Variants in STX8 observed in about 807,000 individuals in gnomAD.
STX8 encodes the protein syntaxin-8.
In STX8, 23 loss-of-function variants were observed where a neutral mutation model predicts 37.5. The observed-to-expected ratio is 0.61, with a 90% CI of 0.44 to 0.87. The LOEUF (loss-of-function observed/expected upper bound fraction) is 0.87. Among genes scored for constraint, STX8 ranks in the 40% least tolerant of loss-of-function variants. The probability of loss-of-function intolerance (pLI) is 0.00; values close to 1 mark genes in which losing one functional copy is unlikely to be tolerated. For synonymous variants in STX8, 115 were observed against 99.1 expected (o/e 1.16, Z -0.95); for missense variants, 313 against 284.7 (o/e 1.10, Z -0.71).
intron 6 of STX8, among the ~76,000 whole-genome samples, chr17:9,480,213 G>A (rs1906266771): frequency 6.6e-6 from 1 of 152,184 alleles, no homozygotes; most frequent in South Asian, 2.1e-4. Context: ...CGTGACAACA[G>A]ACATGACATG....
At chr17:9,320,474 G>A (rs1267047225) in intron 7 of STX8, among the ~76,000 whole-genome samples, 1 of 152,076 alleles carries the variant, frequency 6.6e-6, no homozygotes, top group Non-Finnish European at 1.5e-5. Context: ...TTACAGGGAG[G>A]GAAATATCAT....
chr17:9,430,806 T>C (rs9905338), intron 6 of STX8, among the ~76,000 whole-genome samples: 33,729 of 151,992 alleles, frequency 0.22, 3,997 homozygotes, highest in Middle Eastern at 0.28. Flanking sequence ...ACCGCCACCA[T>C]GCCTGGCTAA....
chr17:9,404,032 A>AAC (rs3060111), intron 6 of STX8, among the ~76,000 whole-genome samples: 89,070 of 151,866 alleles, frequency 0.59, 26,861 homozygotes, highest in East Asian at 0.77. Flanking sequence ...ACAGTCAATT[A>AAC]ACATATTTTG....
chr17:9,404,087 G>T (rs1363022232), intron 6 of STX8, among the ~76,000 whole-genome samples: 1 of 152,088 alleles, frequency 6.6e-6, no homozygotes, highest in Non-Finnish European at 1.5e-5. Flanking sequence ...AATAAAGTAA[G>T]CTAGAGAAAA....
chr17:9,291,145 G>A (rs1055017385), intron 7 of STX8, among the ~76,000 whole-genome samples: 2 of 152,134 alleles, frequency 1.3e-5, no homozygotes, highest in African/African-American at 4.8e-5. Context: ...GAAAAAGCTT[G>A]CCTTTCTTAA....
chr17:9,464,779 G>A (rs1905540646), intron 6 of STX8: 1 of 146,776 alleles, frequency 6.8e-6, no homozygotes, highest in African/African-American at 2.6e-5. Context: ...CTGGAGTGCA[G>A]TGGAGCAATC....
At chr17:9,517,471 CATT>C (rs1905187849) in intron 4 of STX8, among the ~76,000 whole-genome samples, 1 of 152,090 alleles carries the variant, frequency 6.6e-6, no homozygotes, top group Non-Finnish European at 1.5e-5. Context: ...ATTTCACAAA[CATT>C]ATCTCATGTG....
intron 5 of STX8, among the ~76,000 whole-genome samples, chr17:9,503,289 T>A (rs916207663): frequency 1.3e-5 from 2 of 151,990 alleles, no homozygotes; most frequent in South Asian, 4.2e-4. Flanking sequence ...CAGAAAGAAG[T>A]TCAGCAGTTG....
intron 5 of STX8, among the ~76,000 whole-genome samples, chr17:9,499,677 C>T (rs34030927): frequency 0.085 from 12,962 of 152,212 alleles, 701 homozygotes; most frequent in South Asian, 0.14. Context: ...GGATTACCGG[C>T]GTGAGCCACC....
intron 1 of STX8, among the ~76,000 whole-genome samples, 188 bp downstream of exon 1, chr17:9,575,604 C>A (rs998538076): frequency 2.0e-5 from 3 of 152,184 alleles, no homozygotes; most frequent in African/African-American, 7.2e-5. Flanking sequence ...GTCTCCTTCC[C>A]GGGCCACCCT....
chr17:9,335,610 A>G (rs1910109171), intron 7 of STX8, among the ~76,000 whole-genome samples: 1 of 69,568 alleles, frequency 1.4e-5, no homozygotes, highest in African/African-American at 4.1e-5. Context: ...GATTTGTAGG[A>G]AGTGAATTTT....
intron 4 of STX8, among the ~76,000 whole-genome samples, chr17:9,516,566 C>T (rs1413707278): frequency 6.6e-6 from 1 of 151,798 alleles, no homozygotes; most frequent in Non-Finnish European, 1.5e-5. Flanking sequence ...AGCAATTTCA[C>T]TCACTGACCT....
chr17:9,329,801 C>T (rs982362294), intron 7 of STX8, among the ~76,000 whole-genome samples: 1 of 152,116 alleles, frequency 6.6e-6, no homozygotes, highest in Admixed American at 6.5e-5. Context: ...CATGATAGAG[C>T]AGGGAAAGAG....
At chr17:9,536,268 G>T (rs890794164) in intron 4 of STX8, among the ~76,000 whole-genome samples, 1 of 152,092 alleles carries the variant, frequency 6.6e-6, no homozygotes, top group African/African-American at 2.4e-5. Flanking sequence ...GCTATTCTGA[G>T]ACCACGAGAG....
At chr17:9,281,227 T>C (rs536010942) in intron 7 of STX8, among the ~76,000 whole-genome samples, 4 of 152,010 alleles carry the variant, frequency 2.6e-5, no homozygotes, top group Admixed American at 1.3e-4. Flanking sequence ...GAAGTCAAGG[T>C]GAGGCTGTGG....
At chr17:9,418,509 G>A (rs1184704146) in intron 6 of STX8, among the ~76,000 whole-genome samples, 7 of 122,742 alleles carry the variant, frequency 5.7e-5, no homozygotes, top group Admixed American at 1.9e-4. Flanking sequence ...TGTTCTTTCC[G>A]TTTTTCTAAA....
intron 6 of STX8, among the ~76,000 whole-genome samples, chr17:9,410,824 T>C (rs8068962): frequency 0.45 from 68,174 of 152,048 alleles, 16,168 homozygotes; most frequent in Non-Finnish European, 0.54. Context: ...AACATTATCA[T>C]GAAATGTAAC....
At chr17:9,559,760 AT>A (rs60856219) in intron 2 of STX8, among the ~76,000 whole-genome samples, 68 of 24,492 alleles carry the variant, frequency 2.8e-3, no homozygotes, top group African/African-American at 0.012. Flanking sequence ...ATATATATAT[AT>A]TTTTTTTTTT....
chr17:9,539,165 G>A (rs1241888098), intron 4 of STX8, among the ~76,000 whole-genome samples: 1 of 152,148 alleles, frequency 6.6e-6, no homozygotes, highest in African/African-American at 2.4e-5. Context: ...TTATGTGATT[G>A]CCACATTAAT....
Sources: allele counts gnomAD v4.1 joint callset (sites outside exome capture counted in the v4.1 genomes callset), GRCh38; gene constraint gnomAD v4.1.1; transcripts MANE v1.5; gene names NCBI Gene and HGNC (gene_info 2026-07-23, HGNC 2026-07-21).